TMPRSS6: variants seen among roughly 807,000 people sequenced by gnomAD.
TMPRSS6 encodes transmembrane protease serine 6.
TMPRSS6 carries 67 observed loss-of-function variants against 101.5 expected under a neutral mutation model. The ratio of observed to expected loss-of-function variants is 0.66; its 90% CI spans 0.54 to 0.81. The LOEUF (loss-of-function observed/expected upper bound fraction) is 0.81, where lower values mean the gene tolerates loss of function less well. Ranked by LOEUF, TMPRSS6 falls within the 30% of genes least tolerant of loss-of-function variation. The probability of loss-of-function intolerance (pLI) is 0.00; values close to 1 mark genes in which losing one functional copy is unlikely to be tolerated. For synonymous variants in TMPRSS6, 453 were observed against 464.9 expected (o/e 0.97, Z 0.33); for missense variants, 1,034 against 1,088.7 (o/e 0.95, Z 0.71).
chr22:37,071,923 T>C (rs1926952229), intron 13 of TMPRSS6, among the ~76,000 whole-genome samples: 1 of 151,082 alleles, frequency 6.6e-6, no homozygotes, highest in Non-Finnish European at 1.5e-5. Flanking sequence ...GGTAGATGGA[T>C]GGATGGATGA....
chr22:37,078,954 A>AG (rs1173363461), intron 10 of TMPRSS6, among the ~76,000 whole-genome samples: 1 of 118,436 alleles, frequency 8.4e-6, no homozygotes, highest in African/African-American at 3.4e-5. Context: ...AGAAGGAGAA[A>AG]AAGAGAAAGA....
At position 37,098,544 on chromosome 22, in the gene TMPRSS6, T is replaced by A; in HGVS notation, c.208A>T (p.Lys70Ter). The A allele has an allele frequency of 3.1e-6, 5 of 1,614,148 alleles. No individual in the cohort carries two copies. Among genetic ancestry groups the A allele is most frequent in the Non-Finnish European group, 3.4e-6 (4 of 1,180,004 alleles). ...GVLLWYFLGYKAEVMVSQVYS... is the reference protein window; with the variant it reads ...GVLLWYFLGY ...ACCTGGCTGACCATCACCTCCGCCT[T>A]GTACCCTGCCCAGGAAGGAACCAGC... The change falls in exon 3 of 18, where the codon AAG becomes TAG. Residue 70 changes from lysine (K) to a stop codon, truncating the protein, a stop_gained. Coordinates refer to ENST00000676104, the MANE Select transcript of TMPRSS6 (RefSeq NM_001374504.1). LOFTEE classifies it high-confidence loss of function.
rs548834655 is a variant in TMPRSS6, at chr22:37,078,600, T to C, written c.1197-3320A>G. On this transcript the variant is annotated intron_variant, in intron 10 of 17. Coordinates refer to ENST00000676104, the MANE Select transcript of TMPRSS6 (RefSeq NM_001374504.1). Reference sequence around the variant, plus strand: ...AGTCACTCAGCGTAAAGACAATCTGTTTATGCACCATGTAGAAATTGCTTC... The same window carrying C: ...AGTCACTCAGCGTAAAGACAATCTGCTTATGCACCATGTAGAAATTGCTTC... 3.9e-5 allele frequency among the ~76,000 whole-genome samples: 6 copies of C among 152,164 alleles called. No individual in the cohort carries two copies. In the East Asian group the frequency reaches 1.2e-3, roughly 29 times the overall value.
Position 37,103,382 on chromosome 22 carries a change from C to G in TMPRSS6, c.36G>C (p.Gly12=), listed in dbSNP as rs1394183110. 1.2e-6 allele frequency: 2 copies of G among 1,614,206 alleles called. No individual in the cohort carries two copies. Among genetic ancestry groups the G allele is most frequent in the Non-Finnish European group, 1.7e-6 (2 of 1,180,030 alleles). ...CCTCGCCATCACCTCCGTCCCCCTGCCCGCCAGCCACCTGGGGGGCCTCGG... is the reference window on the plus strand; with the variant it reads ...CCTCGCCATCACCTCCGTCCCCCTGGCCGCCAGCCACCTGGGGGGCCTCGG... ...PVAEAPQVAG[G]QGDGGDGEEA... is the part of the protein sequence containing the mutation. The change falls in exon 2 of 18, where the codon GGG becomes GGC. Residue 12 remains glycine, a synonymous_variant. Transcript: ENST00000676104. The surrounding 1 kb of genome is among the most constrained non-coding windows in gnomAD (Gnocchi z 4.4).
chr22:37,076,075 AAGAAAGAAAG>A (rs909428134), intron 10 of TMPRSS6, among the ~76,000 whole-genome samples: 36 of 149,140 alleles, frequency 2.4e-4, no homozygotes, highest in African/African-American at 8.7e-4. Context: ...AAGAAAAGAA[AAGAAAGAAAG>A]AGAAAGAAAG....
chr22:37,072,891 GA>G (rs563644366), intron 13 of TMPRSS6, among the ~76,000 whole-genome samples: 1 of 140,972 alleles, frequency 7.1e-6, no homozygotes. Context: ...ATGGATGGAT[GA>G]ATGGATGGAT....
intron 10 of TMPRSS6, among the ~76,000 whole-genome samples, chr22:37,079,131 T>A (rs565464057): frequency 2.1e-4 from 32 of 152,334 alleles, no homozygotes; most frequent in African/African-American, 7.7e-4. Context: ...CTGTTTCTGC[T>A]GCAGAACTCT....
intron 10 of TMPRSS6, among the ~76,000 whole-genome samples, chr22:37,078,782 GAGAAGAAGA>G (rs145574544): frequency 6.8e-6 from 1 of 147,540 alleles, no homozygotes; most frequent in African/African-American, 2.5e-5. Context: ...GAAGGAGGAG[GAGAAGAAGA>G]AGGAGGAGGA....
At position 37,070,627 on chromosome 22, in the gene TMPRSS6, G is replaced by T. The variant is rs1198417521; in HGVS notation, c.1698C>A (p.Ser566Arg). ...AGGACACAGCTCCACCAACAATGCG[G>T]CTGGAGGGGCCCTGGAGGCCACAGT... is the stretch of plus-strand genomic sequence containing the variant. ...HCDCGLQGPS[S>R]RIVGGAVSSE... Residue 566 changes from serine (S) to arginine (R), a missense_variant, in exon 15 of 18, where the codon AGC becomes AGA. Physicochemically the swap from Ser to Arg is moderately radical, Grantham distance 110. Coordinates refer to ENST00000676104, the MANE Select transcript of TMPRSS6 (RefSeq NM_001374504.1). 10 of 1,613,042 alleles carry T rather than the reference G, an allele frequency of 6.2e-6. No individual in the cohort carries two copies. Among genetic ancestry groups the T allele is most frequent in the Non-Finnish European group, 7.6e-6 (9 of 1,179,996 alleles).
rs543550741 is a variant in TMPRSS6, at chr22:37,098,283, G to C, written c.336+133C>G. 3.7e-6 allele frequency: 5 copies of C among 1,344,898 alleles called. No individual in the cohort carries two copies. In the South Asian group the frequency reaches 4.7e-5, roughly 13 times the overall value. 83.3% of individuals were successfully genotyped at this position (1,344,898 alleles called of 1,614,324 possible). A position where few individuals can be genotyped will look rare whatever the true frequency, so the allele number is the denominator to read the frequency against. On this transcript the variant is annotated intron_variant, in intron 3 of 17. Coordinates refer to ENST00000676104, the MANE Select transcript of TMPRSS6 (RefSeq NM_001374504.1). Reference sequence around the variant, plus strand: ...GACCCTCAACCTCATCTGCTTCCATGGTGCCTGGAGCAGGGCTGTGGTCCC... The same window carrying C: ...GACCCTCAACCTCATCTGCTTCCATCGTGCCTGGAGCAGGGCTGTGGTCCC...
rs1217158975 is a variant in TMPRSS6 at position 37,071,600 on chromosome 22, C to T, written c.1556-568G>A. 2.0e-5 allele frequency among the ~76,000 whole-genome samples: 3 copies of T among 152,256 alleles called. No homozygotes were observed. In the East Asian group the frequency reaches 5.8e-4, roughly 29 times the overall value. On this transcript the variant is annotated intron_variant, in intron 13 of 17. Transcript: ENST00000676104. ...GCAGGAGAGTCACCCATCATATCCT[C>T]CTACTAACAGATGAGCCTTGGAAGG...
intron 6 of TMPRSS6, among the ~76,000 whole-genome samples, chr22:37,092,745 C>T (rs937550855): frequency 6.6e-6 from 1 of 152,246 alleles, no homozygotes; most frequent in Non-Finnish European, 1.5e-5. Context: ...ATCCGCTCAA[C>T]TTGGCCTCCC....
At chr22:37,075,053 C>T in intron 11 of TMPRSS6, 82 bp downstream of exon 11, 1 of 1,605,760 alleles carries the variant, frequency 6.2e-7, no homozygotes. Flanking sequence ...TAAGCAGCTG[C>T]CCACAGCCCC....
In TMPRSS6 at chr22:37,109,687, TG is replaced by T. The variant is rs753563392; in HGVS notation, c.-187del. 3.9e-5 allele frequency: 6 copies of T among 152,344 alleles called. No homozygotes were observed. Among genetic ancestry groups the T allele is most frequent in the Non-Finnish European group, 7.3e-5 (5 of 68,148 alleles). 9.4% of individuals were successfully genotyped at this position (152,344 alleles called of 1,614,324 possible). On this transcript the variant is annotated 5_prime_UTR_variant, in exon 1 of 18. Coordinates refer to ENST00000676104, the MANE Select transcript of TMPRSS6 (RefSeq NM_001374504.1). The stretch of plus-strand genomic sequence containing the variant: ...GCCTCAGGCTCCATGGAACTCCTCC[TG>T]CTGGGTCCTGGACAGCACTGTGACT...
chr22:37,083,977 G>C, intron 10 of TMPRSS6: 1 of 544,672 alleles, frequency 1.8e-6, no homozygotes. Flanking sequence ...AAGGATTGAG[G>C]GTGCCAGAGG....
chr22:37,089,583 G>C lies in TMPRSS6; in HGVS notation c.831C>G (p.Ile277Met). 1 of 1,606,396 alleles carries C rather than the reference G, an allele frequency of 6.2e-7. No homozygotes were observed. The highest frequency in any genetic ancestry group is 2.2e-5 in the East Asian group (1 of 44,706). The change falls in exon 7 of 18, where the codon ATC becomes ATG. Residue 277 changes from isoleucine to methionine, a missense_variant. Ile to Met is a conservative substitution (Grantham distance 10). Coordinates refer to ENST00000676104, the MANE Select transcript of TMPRSS6 (RefSeq NM_001374504.1). ...DVAGPLEKRL[I>M]TSVYGCSRQE... is the part of the protein sequence containing the mutation. ...CCTCCTTCCCAGGGACTCACGAGGT[G>C]ATGAGCCTCTTCTCCAGGGGCCCGG... is the stretch of plus-strand genomic sequence containing the variant.
chr22:37,102,911 G>A (rs562253786), intron 2 of TMPRSS6, among the ~76,000 whole-genome samples: 1 of 152,220 alleles, frequency 6.6e-6, no homozygotes, highest in African/African-American at 2.4e-5. Flanking sequence ...ATGCTCTGTG[G>A]GCTGGCTGGC....
chr22:37,089,641 T>C lies in TMPRSS6; in HGVS notation c.773A>G (p.Glu258Gly), dbSNP rs1350006230. The change falls in exon 7 of 18, where the codon GAG (glutamate) becomes GGG (glycine). Residue 258 changes from glutamate (E) to glycine (G), a missense_variant. Physicochemically the swap from Glu to Gly is moderately conservative, Grantham distance 98 (BLOSUM62 -2). Transcript: ENST00000676104. ...ATACATGGCCAGTCGGTCCCGGCACTCTGCCAGCGTCCACTCCAGCCGGAG... is the reference window on the plus strand; with the variant it reads ...ATACATGGCCAGTCGGTCCCGGCACCCTGCCAGCGTCCACTCCAGCCGGAG... ...LKLRLEWTLA[E>G]CRDRLAMYDV... 9 of 1,589,592 alleles carry C rather than the reference T, an allele frequency of 5.7e-6. No individual in the cohort carries two copies. The highest frequency in any genetic ancestry group is 7.7e-6 in the Non-Finnish European group (9 of 1,166,014).
chr22:37,069,004 A>G lies in TMPRSS6; in HGVS notation c.2113+69T>C. On this transcript the variant is annotated intron_variant, in intron 16 of 17. Coordinates refer to ENST00000676104, the MANE Select transcript of TMPRSS6 (RefSeq NM_001374504.1). The surrounding 1 kb of genome is among the most constrained non-coding windows in gnomAD (Gnocchi z 4.8). ...GGGACCCCCAGCCCCGCCCTTCTCC[A>G]GGCCAGGTGTTACGGCGCAGATCCG... 1.3e-6 allele frequency: 2 copies of G among 1,522,300 alleles called. No individual in the cohort carries two copies. The highest frequency in any genetic ancestry group is 1.8e-6 in the Non-Finnish European group (2 of 1,140,368). 94.3% of individuals were successfully genotyped at this position (1,522,300 alleles called of 1,614,324 possible). A position where few individuals can be genotyped will look rare whatever the true frequency, so the allele number is the denominator to read the frequency against.
Sources: gnomAD v4.1 joint callset for allele counts (sites outside exome capture counted in the v4.1 genomes callset) on GRCh38, gnomAD v4.1.1 for gene constraint, Gnocchi (gnomAD v3.1) non-coding constraint, MANE v1.5 for transcripts, NCBI Gene and HGNC (gene_info 2026-07-23, HGNC 2026-07-21) for gene names.